TENM3: variants seen among roughly 807,000 people sequenced by gnomAD.
The protein encoded by TENM3 is teneurin-3.
In TENM3, 63 loss-of-function variants were observed where a neutral mutation model predicts 255.1. That is an observed-to-expected ratio of 0.25 (90% CI 0.20 to 0.30). The LOEUF (loss-of-function observed/expected upper bound fraction) is 0.30. Ranked by LOEUF, TENM3 falls within the 10% of genes least tolerant of loss-of-function variation. The pLI is 1.00. For synonymous variants in TENM3, 1,306 were observed against 1,322.3 expected (o/e 0.99, Z 0.27); for missense variants, 2,929 against 3,461.1 (o/e 0.85, Z 3.86).
the TENM3 span, among the ~76,000 whole-genome samples, chr4:181,793,818 A>T: frequency 2.0e-5 from 3 of 152,194 alleles, no homozygotes; most frequent in Non-Finnish European, 4.4e-5. Flanking sequence ...GTTTTAGCAA[A>T]TGTAATACTT....
the TENM3 span, among the ~76,000 whole-genome samples, chr4:181,630,855 C>T: frequency 5.9e-5 from 9 of 152,148 alleles, no homozygotes; most frequent in East Asian, 3.9e-4. Context: ...CTATTAGGTC[C>T]GCTTGGTGTG....
chr4:181,833,521 A>G, the TENM3 span, among the ~76,000 whole-genome samples: 1 of 152,214 alleles, frequency 6.6e-6, no homozygotes, highest in East Asian at 1.9e-4. Context: ...TCTTCAGGAT[A>G]AAATCCAAAC....
At chr4:181,696,493 C>T in the TENM3 span, among the ~76,000 whole-genome samples, 2 of 152,122 alleles carry the variant, frequency 1.3e-5, no homozygotes, top group Non-Finnish European at 2.9e-5. Flanking sequence ...AACATTCTAC[C>T]CACTTTAATA....
At chr4:182,028,330 C>T in the TENM3 span, among the ~76,000 whole-genome samples, 1 of 152,046 alleles carries the variant, frequency 6.6e-6, no homozygotes, top group Admixed American at 6.6e-5. Context: ...TTTTTCATCT[C>T]TGCTTTTATT....
chr4:182,420,996 G>T (rs1436791338), intron 3 of TENM3, among the ~76,000 whole-genome samples: 1 of 152,122 alleles, frequency 6.6e-6, no homozygotes, highest in Non-Finnish European at 1.5e-5. Context: ...AAATGCCAAA[G>T]AAGTAAATCC....
intron 3 of TENM3, among the ~76,000 whole-genome samples, chr4:182,417,036 C>T (rs1198447218): frequency 4.6e-5 from 7 of 152,200 alleles, no homozygotes; most frequent in South Asian, 4.2e-4. Context: ...TGCGGTGGTG[C>T]GATCTCGGCT....
the TENM3 span, among the ~76,000 whole-genome samples, chr4:181,906,944 T>C: frequency 6.6e-6 from 1 of 152,128 alleles, no homozygotes; most frequent in African/African-American, 2.4e-5. Flanking sequence ...CCTGGCACAA[T>C]CTTGGCTCAC....
chr4:182,595,640 C>T (rs1456263184), intron 3 of TENM3, among the ~76,000 whole-genome samples: 3 of 152,008 alleles, frequency 2.0e-5, no homozygotes, highest in Non-Finnish European at 4.4e-5. Flanking sequence ...AAAGGAAAGG[C>T]ACGTGGAAAG....
chr4:181,585,267 C>T, the TENM3 span, among the ~76,000 whole-genome samples: 32 of 152,196 alleles, frequency 2.1e-4, no homozygotes, highest in Middle Eastern at 3.4e-3. Context: ...AATATGAGAC[C>T]ACATTAAGTA....
Position 182,729,088 on chromosome 4 carries a change from A to G in TENM3, c.2492A>G (p.Gln831Arg). The change falls in exon 14 of 28, where the codon CAG becomes CGG. Residue 831 changes from glutamine to arginine, a missense_variant. By Grantham distance (43) the Gln-to-Arg change is conservative. This residue lies in a region of TENM3 where 1,608 missense variants were observed against 1,884.4 expected (regional missense o/e 0.85). Transcript: ENST00000511685. ...IISQSLQSPS[Q>R]QAAKSFYDRI... ...AGCCAAAGCCTTCAATCGCCTTCTC[A>G]GCAAGCTGCCAAATCCTTTTATGAT... The G allele has an allele frequency of 6.2e-7, 1 of 1,614,030 alleles. No individual in the cohort carries two copies. Among genetic ancestry groups the G allele is most frequent in the Non-Finnish European group, 8.5e-7 (1 of 1,179,894 alleles).
chr4:182,758,610 C>T (rs1333325257), intron 22 of TENM3, among the ~76,000 whole-genome samples: 1 of 152,034 alleles, frequency 6.6e-6, no homozygotes. Flanking sequence ...GTGAACTGGC[C>T]GACTCCCAGA....
intron 12 of TENM3, among the ~76,000 whole-genome samples, chr4:182,705,887 A>G (rs1758244265): frequency 6.6e-6 from 1 of 152,132 alleles, no homozygotes; most frequent in South Asian, 2.1e-4. Flanking sequence ...TAGTTCTACT[A>G]TCTTGCCCAC....
chr4:182,212,543 A>G (rs1166480648), intron 1 of TENM3, among the ~76,000 whole-genome samples: 1 of 152,158 alleles, frequency 6.6e-6, no homozygotes, highest in African/African-American at 2.4e-5. Context: ...ATTTATGTCA[A>G]GTGAGCACTT....
chr4:182,046,481 A>C, the TENM3 span, among the ~76,000 whole-genome samples: 27 of 151,998 alleles, frequency 1.8e-4, no homozygotes, highest in East Asian at 5.0e-3. Context: ...AGGTGGGAGG[A>C]TCACTTGAGG....
At chr4:182,180,519 C>A (rs1354798136) in intron 1 of TENM3, among the ~76,000 whole-genome samples, 1 of 151,776 alleles carries the variant, frequency 6.6e-6, no homozygotes, top group Non-Finnish European at 1.5e-5. Flanking sequence ...TTTAATACTT[C>A]TTTAATTTAG....
the TENM3 span, among the ~76,000 whole-genome samples, chr4:181,732,225 A>T: frequency 1.3e-5 from 2 of 152,204 alleles, no homozygotes; most frequent in African/African-American, 2.4e-5. Context: ...AGAAGGATAG[A>T]TGCATGGTAG....
At chr4:181,915,677 G>T in the TENM3 span, among the ~76,000 whole-genome samples, 1 of 149,028 alleles carries the variant, frequency 6.7e-6, no homozygotes, top group Admixed American at 6.7e-5. Context: ...GAGGACGGAA[G>T]GGGAGGGGAA....
chr4:182,219,412 A>G (rs1755715217), intron 1 of TENM3, among the ~76,000 whole-genome samples: 1 of 152,104 alleles, frequency 6.6e-6, no homozygotes, highest in Admixed American at 6.5e-5. Context: ...AATCCAACCC[A>G]TCACCGTAAG....
the TENM3 span, among the ~76,000 whole-genome samples, chr4:181,495,046 T>C: frequency 2.6e-5 from 4 of 152,178 alleles, no homozygotes; most frequent in Non-Finnish European, 5.9e-5. Context: ...TACTGAGAAT[T>C]TATTAAGTTT....
Sources: gnomAD v4.1 joint callset for allele counts (sites outside exome capture counted in the v4.1 genomes callset) on GRCh38, gnomAD v4.1.1 for gene constraint, gnomAD v4.1.1 regional missense constraint, MANE v1.5 for transcripts, NCBI Gene and HGNC (gene_info 2026-07-23, HGNC 2026-07-21) for gene names.